Variants in ZNF827 observed in about 807,000 individuals in gnomAD.
The protein encoded by ZNF827 is zinc finger protein 827.
ZNF827 carries 13 observed loss-of-function variants against 102.4 expected under a neutral mutation model. That is an observed-to-expected ratio of 0.13 (90% CI 0.08 to 0.20). The LOEUF (loss-of-function observed/expected upper bound fraction) is 0.20, where lower values mean the gene tolerates loss of function less well. Among genes scored for constraint, ZNF827 ranks in the 10% least tolerant of loss-of-function variants. The pLI, the probability that ZNF827 is intolerant of heterozygous loss-of-function variation, is 1.00. For synonymous variants in ZNF827, 523 were observed against 536.2 expected, an observed-to-expected ratio of 0.98 and a Z score of 0.34; for missense variants, 1,103 against 1,344.4, an observed-to-expected ratio of 0.82 and a Z score of 2.81.
intron 4 of ZNF827, among the ~76,000 whole-genome samples, chr4:145,872,876 A>AAAAAAC (rs1015341772): frequency 4.6e-5 from 7 of 151,864 alleles, no homozygotes; most frequent in Admixed American, 6.6e-5. Flanking sequence ...TTCTGTCTCA[A>AAAAAAC]AAAAACAAAA....
intron 9 of ZNF827, 24 bp from the exon 10 acceptor site, chr4:145,775,984 A>T (rs1259674691): frequency 6.2e-7 from 1 of 1,613,938 alleles, no homozygotes. Context: ...AACAGGAAAA[A>T]GCCCAAATCG....
chr4:145,907,543 C>T (rs951586677), intron 1 of ZNF827, among the ~76,000 whole-genome samples: 2 of 152,280 alleles, frequency 1.3e-5, no homozygotes, highest in African/African-American at 4.8e-5. Flanking sequence ...GTCTGCCAAC[C>T]AGCGCAGACT....
chr4:145,763,203 C>A lies in ZNF827; in HGVS notation c.3231-81G>T. On this transcript the variant is annotated intron_variant, in intron 13 of 14. Transcript: ENST00000508784. The surrounding 1 kb of genome is among the most constrained non-coding windows in gnomAD (Gnocchi z 4.6). ...ATATAGAGTACAAGCAGTTCCATCA[C>A]AGAAAAGCAATTTAGACATCAGCAG... 7.2e-7 allele frequency: 1 copy of A among 1,398,406 alleles called. No individual in the cohort carries two copies. The allele number at this position is 1,398,406 out of a possible 1,614,324, so 86.6% of individuals were successfully genotyped here.
At chr4:145,776,825 A>G (rs1208004765) in intron 9 of ZNF827, among the ~76,000 whole-genome samples, 2 of 152,236 alleles carry the variant, frequency 1.3e-5, no homozygotes, top group African/African-American at 2.4e-5. Flanking sequence ...TTCATTTTAC[A>G]TAAATAAAGA....
chr4:145,906,155 A>C (rs1160179649), intron 1 of ZNF827, among the ~76,000 whole-genome samples: 4 of 152,158 alleles, frequency 2.6e-5, no homozygotes, highest in Non-Finnish European at 2.9e-5. Context: ...AAGAACCCCA[A>C]ATCTCTCAGC....
chr4:145,849,991 AT>A (rs1409364643), intron 5 of ZNF827, among the ~76,000 whole-genome samples: 1 of 151,822 alleles, frequency 6.6e-6, no homozygotes, highest in African/African-American at 2.4e-5. Flanking sequence ...GCATCTTAAT[AT>A]TATGGTTTTC....
chr4:145,917,400 G>C (rs752887322), intron 1 of ZNF827, among the ~76,000 whole-genome samples: 1 of 152,098 alleles, frequency 6.6e-6, no homozygotes, highest in African/African-American at 2.4e-5. Flanking sequence ...CATAGTTGAA[G>C]GTATCACTTG....
rs1042339491 is a variant in ZNF827 at position 145,879,756 on chromosome 4, C to A, written c.1747+5922G>T. On this transcript the variant is annotated intron_variant, in intron 4 of 14. Coordinates refer to ENST00000508784, the MANE Select transcript of ZNF827 (RefSeq NM_001306215.2). ...TTCCTGAGATGCCTAAAACTATTAA[C>A]ACAAATTCTAAAGCTGTCTGACATA... Among the ~76,000 whole-genome samples the A allele has an allele frequency of 1.6e-4, 25 of 152,226 alleles. 1 individual carries two copies. Among genetic ancestry groups the A allele is most frequent in the Admixed American group, 1.4e-3 (22 of 15,288 alleles).
chr4:145,813,802 A>C (rs546750263), intron 8 of ZNF827, among the ~76,000 whole-genome samples: 28 of 152,298 alleles, frequency 1.8e-4, no homozygotes, highest in African/African-American at 6.7e-4. Flanking sequence ...CAGGGATTTG[A>C]GGGGGTGACA....
In ZNF827 at chr4:145,862,885, CAG is replaced by C. The variant is rs145708803; in HGVS notation, c.1981+7358_1981+7359del. On this transcript the variant is annotated intron_variant, in intron 5 of 14. Coordinates refer to ENST00000508784, the MANE Select transcript of ZNF827 (RefSeq NM_001306215.2). ...GGGCTCACAAGCAACAAAAGAAAAA[CAG>C]AGATAAAATGGACCTCATCAAAATT... Among the ~76,000 whole-genome samples the C allele has an allele frequency of 1.1e-4, 17 of 152,146 alleles. No homozygotes were observed. The East Asian group carries it at 2.9e-3, about 26-fold the overall frequency.
chr4:145,799,965 T>C lies in ZNF827; in HGVS notation c.2384-20454A>G, dbSNP rs191123001. ...TCTGGCTGTTACATAAAAAGAGAAA[T>C]CACCTTCTACCTTATTTAAGCCATT... On this transcript the variant is annotated intron_variant, in intron 8 of 14. Transcript: ENST00000508784. 8.0e-4 allele frequency among the ~76,000 whole-genome samples: 122 copies of C among 152,182 alleles called. 1 individual carries two copies. The highest frequency in any genetic ancestry group is 1.2e-3 in the Admixed American group (19 of 15,276).
chr4:145,893,864 C>A (rs776913829), intron 2 of ZNF827, among the ~76,000 whole-genome samples: 1 of 151,724 alleles, frequency 6.6e-6, no homozygotes, highest in African/African-American at 2.4e-5. Context: ...TCAAGACAAA[C>A]GACCCAGTTT....
At chr4:145,847,186 C>T (rs925064317) in intron 6 of ZNF827, among the ~76,000 whole-genome samples, 1 of 151,738 alleles carries the variant, frequency 6.6e-6, no homozygotes, top group African/African-American at 2.4e-5. Context: ...AAAGTAAAAC[C>T]AATCAAAGGG....
intron 5 of ZNF827, among the ~76,000 whole-genome samples, chr4:145,863,388 C>T (rs991536344): frequency 6.6e-6 from 1 of 152,172 alleles, no homozygotes; most frequent in Non-Finnish European, 1.5e-5. Flanking sequence ...TCAGCAATTC[C>T]ATTCCTAGGT....
chr4:145,780,897 C>T (rs1287876265), intron 8 of ZNF827, among the ~76,000 whole-genome samples: 1 of 152,208 alleles, frequency 6.6e-6, no homozygotes, highest in Non-Finnish European at 1.5e-5. Flanking sequence ...TCCTAATCCA[C>T]GCAGATGAAA....
intron 5 of ZNF827, among the ~76,000 whole-genome samples, chr4:145,869,408 C>G (rs916108137): frequency 6.6e-6 from 1 of 152,208 alleles, no homozygotes; most frequent in Non-Finnish European, 1.5e-5. Context: ...CTAAAAACAG[C>G]TTTCGATTCA....
At position 145,886,075 on chromosome 4, in the gene ZNF827, G is replaced by A; in HGVS notation, c.1350C>T (p.Leu450=). The change falls in exon 4 of 15, where the codon CTC becomes CTT. Residue 450 remains leucine, a synonymous_variant. Coordinates refer to ENST00000508784, the MANE Select transcript of ZNF827 (RefSeq NM_001306215.2). ...GGAAGTGCTGATGGCAACGCATGTG[G>A]AGTTTCAGGCTGAAGTGGCGTGAGG... ...FTSSRHFSLK[L]HMRCHQHFLR... is the part of the protein sequence containing the mutation. The A allele has an allele frequency of 6.2e-7, 1 of 1,614,192 alleles. No homozygotes were observed. The highest frequency in any genetic ancestry group is 1.7e-5 in the Admixed American group (1 of 60,030).
chr4:145,885,315 A>C (rs1411266454), intron 4 of ZNF827, among the ~76,000 whole-genome samples: 16 of 152,266 alleles, frequency 1.1e-4, no homozygotes, highest in African/African-American at 3.9e-4. Context: ...TCCAGTGCAG[A>C]AGAGACATGT....
intron 1 of ZNF827, among the ~76,000 whole-genome samples, chr4:145,937,900 C>T (rs1754336757): frequency 6.6e-6 from 1 of 150,944 alleles, no homozygotes; most frequent in African/African-American, 2.4e-5. Context: ...CAGCCCTCCG[C>T]GCGCCCCGAC....
Sources: gnomAD v4.1 joint callset for allele counts (sites outside exome capture counted in the v4.1 genomes callset) on GRCh38, gnomAD v4.1.1 for gene constraint, Gnocchi (gnomAD v3.1) non-coding constraint, MANE v1.5 for transcripts, NCBI Gene and HGNC (gene_info 2026-07-23, HGNC 2026-07-21) for gene names.